The following GLIS3 variants were observed in gnomAD, a reference collection of about 807,000 sequenced individuals.
The protein encoded by GLIS3 is GLIS family zinc finger 3.
A neutral mutation model predicts 78.6 loss-of-function variants in GLIS3; 53 were observed. That is an observed-to-expected ratio of 0.67 (90% CI 0.54 to 0.85). The LOEUF is 0.85. Ranked by LOEUF, GLIS3 falls within the 40% of genes least tolerant of loss-of-function variation. GLIS3 has a pLI of 0.00. For missense variants in GLIS3, 1,703 were observed against 1,231.1 expected, an observed-to-expected ratio of 1.38 and a Z score of -5.74; for synonymous variants, 684 against 509.9, an observed-to-expected ratio of 1.34 and a Z score of -4.60.
intron 4 of GLIS3, among the ~76,000 whole-genome samples, chr9:3,988,732 T>C (rs1819977009): frequency 6.6e-6 from 1 of 152,012 alleles, no homozygotes; most frequent in Admixed American, 6.5e-5. Context: ...AATCTTGACC[T>C]AAACCTCATA....
intron 4 of GLIS3, among the ~76,000 whole-genome samples, chr9:4,110,919 T>C (rs1831160781): frequency 6.6e-6 from 1 of 152,212 alleles, no homozygotes; most frequent in Non-Finnish European, 1.5e-5. Context: ...TGTTTGGTCT[T>C]TCACTCTACA....
intron 2 of GLIS3, among the ~76,000 whole-genome samples, chr9:4,261,866 CTTTGAGTT>C (rs1454579313): frequency 6.6e-6 from 1 of 152,130 alleles, no homozygotes; most frequent in African/African-American, 2.4e-5. Context: ...ATATGGACTT[CTTTGAGTT>C]TTTAAGAGCC....
chr9:4,197,706 T>G (rs1234001053), intron 2 of GLIS3, among the ~76,000 whole-genome samples: 3 of 152,212 alleles, frequency 2.0e-5, no homozygotes, highest in African/African-American at 4.8e-5. Flanking sequence ...TGAATTAGCC[T>G]GTTGTCTAAG....
the GLIS3 span, among the ~76,000 whole-genome samples, chr9:4,382,562 T>C: frequency 8.5e-5 from 13 of 152,258 alleles, no homozygotes; most frequent in African/African-American, 2.9e-4. Context: ...AGAGTATTTC[T>C]CCAGGTATGT....
chr9:4,318,669 C>CT (rs1385410222), intron 2 of GLIS3, among the ~76,000 whole-genome samples: 2 of 152,114 alleles, frequency 1.3e-5, no homozygotes, highest in African/African-American at 2.4e-5. Context: ...AGAGAAACCT[C>CT]TTTTTTACAG....
chr9:4,091,643 T>G (rs754732407), intron 4 of GLIS3, among the ~76,000 whole-genome samples: 6 of 151,934 alleles, frequency 3.9e-5, no homozygotes, highest in African/African-American at 7.3e-5. Context: ...AACAGCAGAG[T>G]GTACGTATGG....
intron 4 of GLIS3, among the ~76,000 whole-genome samples, chr9:4,067,914 A>C (rs1403429759): frequency 6.6e-6 from 1 of 152,164 alleles, no homozygotes; most frequent in Non-Finnish European, 1.5e-5. Flanking sequence ...GTCAAAGAAA[A>C]AGATTATGAT....
chr9:4,180,227 G>C lies in GLIS3; in HGVS notation c.389-54286C>G, dbSNP rs75889446. 9.5e-3 allele frequency among the ~76,000 whole-genome samples: 1,450 copies of C among 152,224 alleles called. 21 individuals carry two copies. The highest frequency in any genetic ancestry group is 0.034 in the African/African-American group (1,397 of 41,520). ...GGGACTGGAGAGACTTGGGAACAAA[G>C]AGTATGGGACAGTTTCCCACCGGCA... On this transcript the variant is annotated intron_variant, in intron 2 of 10. Coordinates refer to ENST00000381971, the MANE Select transcript of GLIS3 (RefSeq NM_001042413.2).
intron 4 of GLIS3, among the ~76,000 whole-genome samples, chr9:4,105,507 A>G (rs1038641604): frequency 9.9e-5 from 15 of 152,188 alleles, no homozygotes; most frequent in Non-Finnish European, 2.2e-4. Context: ...GGCAACTAAA[A>G]ATGCCTTTTA....
the GLIS3 span, among the ~76,000 whole-genome samples, chr9:4,375,714 T>C: frequency 6.6e-6 from 1 of 152,214 alleles, no homozygotes; most frequent in Non-Finnish European, 1.5e-5. Flanking sequence ...TATGTGCACA[T>C]AAAACAAATG....
chr9:4,389,008 T>G, the GLIS3 span, among the ~76,000 whole-genome samples: 6 of 152,108 alleles, frequency 3.9e-5, no homozygotes, highest in African/African-American at 1.4e-4. Context: ...AAGGGGATTC[T>G]ATATACAAAA....
the GLIS3 span, among the ~76,000 whole-genome samples, chr9:4,452,281 C>G: frequency 6.6e-6 from 1 of 152,288 alleles, no homozygotes; most frequent in East Asian, 1.9e-4. Context: ...GATGTCCTCT[C>G]TCACCACCCT....
intron 1 of GLIS3, among the ~76,000 whole-genome samples, chr9:4,289,311 A>C (rs1233791047): frequency 6.6e-6 from 1 of 152,198 alleles, no homozygotes; most frequent in Non-Finnish European, 1.5e-5. Context: ...GCTATAATCA[A>C]GAATAAATAT....
chr9:4,032,395 A>T (rs1823913089), intron 4 of GLIS3, among the ~76,000 whole-genome samples: 2 of 152,180 alleles, frequency 1.3e-5, no homozygotes, highest in Admixed American at 6.5e-5. Context: ...AAAAATTACA[A>T]AATGCAAAAG....
intron 2 of GLIS3, among the ~76,000 whole-genome samples, chr9:4,321,611 A>G (rs539335440): frequency 5.1e-4 from 58 of 112,936 alleles, no homozygotes; most frequent in African/African-American, 2.0e-3. Flanking sequence ...TATCGAGAGC[A>G]TTACCAATAA....
At chr9:4,169,563 T>C (rs1816187924) in intron 2 of GLIS3, among the ~76,000 whole-genome samples, 1 of 152,210 alleles carries the variant, frequency 6.6e-6, no homozygotes, top group Non-Finnish European at 1.5e-5. Flanking sequence ...CTCTCTAAGG[T>C]CTGTATATTA....
intron 3 of GLIS3, among the ~76,000 whole-genome samples, chr9:4,122,022 G>C (rs1222078308): frequency 6.6e-6 from 1 of 152,096 alleles, no homozygotes; most frequent in Non-Finnish European, 1.5e-5. Flanking sequence ...TATTACTTCT[G>C]GTGATTGGTT....
chr9:4,186,241 A>T (rs555535992), intron 2 of GLIS3, among the ~76,000 whole-genome samples: 1 of 150,640 alleles, frequency 6.6e-6, no homozygotes, highest in Non-Finnish European at 1.5e-5. Flanking sequence ...GAGTGAGAAC[A>T]TGCAGTGTTT....
intron 4 of GLIS3, among the ~76,000 whole-genome samples, chr9:4,076,200 G>T (rs1175307641): frequency 6.6e-6 from 1 of 152,118 alleles, no homozygotes; most frequent in Non-Finnish European, 1.5e-5. Flanking sequence ...CTTGATTAAT[G>T]AGTTCCATCT....
Sources: gnomAD v4.1 joint callset for allele counts (sites outside exome capture counted in the v4.1 genomes callset) on GRCh38, gnomAD v4.1.1 for gene constraint, MANE v1.5 for transcripts, NCBI Gene and HGNC (gene_info 2026-07-23, HGNC 2026-07-21) for gene names.